RPL27A: variants seen among roughly 807,000 people sequenced by gnomAD.
RPL27A encodes large ribosomal subunit protein uL15.
For missense variants in RPL27A, 118 were observed against 189.4 expected, an observed-to-expected ratio of 0.62 and a Z score of 2.21; for synonymous variants, 69 against 68.3, an observed-to-expected ratio of 1.01 and a Z score of -0.05.
At chr11:8,685,570 A>C in intron 4 of RPL27A, 108 bp from the exon 5 acceptor site, 1 of 1,273,898 alleles carries the variant, frequency 7.8e-7, no homozygotes, top group Non-Finnish European at 1.1e-6. Context: ...AGAAACATAC[A>C]TACCCTGCCT....
In RPL27A at chr11:8,689,021, T is replaced by C. The variant is rs1401399573; in HGVS notation, c.*3215T>C. 4 of 152,240 alleles carry C rather than the reference T, an allele frequency of 2.6e-5. No homozygotes were observed. The highest frequency in any genetic ancestry group is 1.9e-4 in the East Asian group (1 of 5,196). The allele number at this position is 152,240 out of a possible 1,614,324, so 9.4% of individuals were successfully genotyped here. On this transcript the variant is annotated 3_prime_UTR_variant, in exon 5 of 5. Coordinates refer to ENST00000314138, the MANE Select transcript of RPL27A (RefSeq NM_000990.5). Reference sequence around the variant, plus strand: ...TTCCGGAGACGATGACTCCCCCGCGTCCCAGACCGGAAGAAGCCCGGCGGA... The same window carrying C: ...TTCCGGAGACGATGACTCCCCCGCGCCCCAGACCGGAAGAAGCCCGGCGGA...
In RPL27A at chr11:8,683,408, C is replaced by A. The variant is rs138159937; in HGVS notation, c.67+143C>A. On this transcript the variant is annotated intron_variant, in intron 2 of 4. Coordinates refer to ENST00000314138, the MANE Select transcript of RPL27A (RefSeq NM_000990.5). ...AGCTGTTGATTTTTTTCTGACGATC[C>A]TCTAGTATTCCAGTTCTAAGGAATT... 3 of 681,320 alleles carry A rather than the reference C, an allele frequency of 4.4e-6. No homozygotes were observed. In the East Asian group the frequency reaches 8.0e-5, roughly 18 times the overall value. The allele number at this position is 681,320 out of a possible 1,614,324, so 42.2% of individuals were successfully genotyped here.
intron 2 of RPL27A, chr11:8,683,606 A>G: frequency 2.0e-6 from 1 of 500,158 alleles, no homozygotes; most frequent in East Asian, 3.7e-5. Context: ...CGTAAGCGGG[A>G]CACAGAAGTC....
At position 8,685,695 on chromosome 11, in the gene RPL27A, G is replaced by C; in HGVS notation, c.336G>C (p.Leu112=). Reference sequence around the variant, plus strand: ...TCTTCTAGGGCTACTACAAAGTTCTGGGAAAGGGAAAGCTCCCAAAGCAGC... The same window carrying C: ...TCTTCTAGGGCTACTACAAAGTTCTCGGAAAGGGAAAGCTCCCAAAGCAGC... ...DVVRSGYYKV[L]GKGKLPKQPV... The change falls in exon 5 of 5, where the codon CTG becomes CTC. Residue 112 remains leucine, a synonymous_variant. Transcript: ENST00000314138. The C allele has an allele frequency of 6.2e-7, 1 of 1,614,128 alleles. No individual in the cohort carries two copies. Among genetic ancestry groups the C allele is most frequent in the South Asian group, 1.1e-5 (1 of 91,076 alleles).
Position 8,685,905 on chromosome 11 carries a change from AGCCC to A in RPL27A, c.*100_*103del. The A allele has an allele frequency of 1.6e-6, 2 of 1,217,068 alleles. No individual in the cohort carries two copies. The highest frequency in any genetic ancestry group is 2.3e-6 in the Non-Finnish European group (2 of 857,622). The allele number at this position is 1,217,068 out of a possible 1,614,324, so 75.4% of individuals were successfully genotyped here. A position where few individuals can be genotyped will look rare whatever the true frequency, so the allele number is the denominator to read the frequency against. ...ACCTCTACATCCTGTGTGCATTGGG[AGCCC>A]AGGTTCTAGTACTTAGGGTATGAAG... On this transcript the variant is annotated 3_prime_UTR_variant, in exon 5 of 5. Transcript: ENST00000314138.
In RPL27A at chr11:8,685,628, A is replaced by T. The variant is rs779089172; in HGVS notation, c.319-50A>T. The stretch of plus-strand genomic sequence containing the variant: ...CAGTCTTTCCTCACGCCCATCACGC[A>T]GTTGGTACCTACTACAGTGTATTGT... On this transcript the variant is annotated intron_variant, in intron 4 of 4. Coordinates refer to ENST00000314138, the MANE Select transcript of RPL27A (RefSeq NM_000990.5). 7.5e-6 allele frequency: 12 copies of T among 1,606,370 alleles called. No homozygotes were observed. The East Asian group carries it at 2.7e-4, about 36-fold the overall frequency.
chr11:8,685,300 A>G (rs2039575892), intron 4 of RPL27A: 1 of 480,382 alleles, frequency 2.1e-6, no homozygotes, highest in Admixed American at 2.4e-5. Context: ...AGGTAGTGTT[A>G]AGAGGCCAGA....
Position 8,685,660 on chromosome 11 carries a change from T to G in RPL27A, c.319-18T>G, listed in dbSNP as rs199725099. The G allele has an allele frequency of 3.8e-4, 608 of 1,614,004 alleles. 1 individual carries two copies. Among genetic ancestry groups the G allele is most frequent in the Non-Finnish European group, 5.1e-4 (598 of 1,179,876 alleles). The stretch of plus-strand genomic sequence containing the variant: ...ACCTACTACAGTGTATTGTAAACTT[T>G]TTTCTCTGTTCTTCTAGGGCTACTA... On this transcript the variant is annotated intron_variant, in intron 4 of 4. Coordinates refer to ENST00000314138, the MANE Select transcript of RPL27A (RefSeq NM_000990.5).
chr11:8,684,567 C>T, intron 3 of RPL27A, 151 bp from the exon 4 acceptor site: 1 of 714,944 alleles, frequency 1.4e-6, no homozygotes, highest in East Asian at 2.5e-5. Flanking sequence ...GTTTTTAAAA[C>T]AGTTGTTTAA....
Position 8,689,514 on chromosome 11 carries a change from GAAAA to G in RPL27A, c.*3718_*3721del, listed in dbSNP as rs774438707. 1 of 134,776 alleles carries G rather than the reference GAAAA, an allele frequency of 7.4e-6. No homozygotes were observed. Among genetic ancestry groups the G allele is most frequent in the African/African-American group, 2.7e-5 (1 of 36,498 alleles). The allele number at this position is 134,776 out of a possible 1,614,324, so 8.3% of individuals were successfully genotyped here. On this transcript the variant is annotated 3_prime_UTR_variant, in exon 5 of 5. Transcript: ENST00000314138. The stretch of plus-strand genomic sequence containing the variant: ...TATAAATGGAGCGAAAGTATCTTGA[GAAAA>G]AAAAAAAAACTACCAGAACTTGCCG...
chr11:8,688,522 C>T lies in RPL27A; in HGVS notation c.*2716C>T, dbSNP rs2133621429. ...CGCATTTACTAAAATATTTTCATGA[C>T]TGCCAAGCTTTGAATAGCCTGCTGT... On this transcript the variant is annotated 3_prime_UTR_variant, in exon 5 of 5. Coordinates refer to ENST00000314138, the MANE Select transcript of RPL27A (RefSeq NM_000990.5). 1 of 152,316 alleles carries T rather than the reference C, an allele frequency of 6.6e-6. No homozygotes were observed. The highest frequency in any genetic ancestry group is 2.4e-5 in the African/African-American group (1 of 41,560). 9.4% of individuals were successfully genotyped at this position (152,316 alleles called of 1,614,324 possible).
intron 1 of RPL27A, 163 bp downstream of exon 1, chr11:8,682,979 C>T (rs756295878): frequency 8.8e-6 from 9 of 1,021,852 alleles, no homozygotes; most frequent in Non-Finnish European, 2.9e-6. Context: ...GCGGGGCTCC[C>T]GGAGCCGTGT....
chr11:8,682,954 C>A, intron 1 of RPL27A, 138 bp downstream of exon 1: 1 of 1,227,888 alleles, frequency 8.1e-7, no homozygotes, highest in Non-Finnish European at 1.1e-6. Flanking sequence ...GCAGGGTGGC[C>A]GGCGCGGGCC....
At chr11:8,684,923 C>T (rs752365427) in intron 4 of RPL27A, 31 bp downstream of exon 4, 3 of 1,604,984 alleles carry the variant, frequency 1.9e-6, no homozygotes, top group Admixed American at 1.7e-5. Flanking sequence ...TCTGTACTTC[C>T]ATACCTTCCC....
rs1236049447 is a variant in RPL27A at position 8,685,568 on chromosome 11, A to G, written c.319-110A>G. The G allele has an allele frequency of 9.6e-6, 12 of 1,252,144 alleles. 1 individual carries two copies. In the Middle Eastern group the frequency reaches 5.6e-4, roughly 58 times the overall value. 77.6% of individuals were successfully genotyped at this position (1,252,144 alleles called of 1,614,324 possible). A position where few individuals can be genotyped will look rare whatever the true frequency, so the allele number is the denominator to read the frequency against. On this transcript the variant is annotated intron_variant, in intron 4 of 4. Coordinates refer to ENST00000314138, the MANE Select transcript of RPL27A (RefSeq NM_000990.5). ...CCGTTAGTGCCCAGATCAGAAACAT[A>G]CATACCCTGCCTAGGGATTTAGAAA...
chr11:8,683,323 T>C (rs959755203), intron 2 of RPL27A, 58 bp downstream of exon 2: 1 of 1,461,128 alleles, frequency 6.8e-7, no homozygotes, highest in East Asian at 2.3e-5. Flanking sequence ...GCTTAGCTAG[T>C]CTGGAGATCG....
chr11:8,689,188 TG>T lies in RPL27A; in HGVS notation c.*3384del, dbSNP rs1297036917. The T allele has an allele frequency of 6.6e-6, 1 of 152,254 alleles. No individual in the cohort carries two copies. Among genetic ancestry groups the T allele is most frequent in the Non-Finnish European group, 1.5e-5 (1 of 68,056 alleles). The allele number at this position is 152,254 out of a possible 1,614,324, so 9.4% of individuals were successfully genotyped here. ...GTGGGTCCCCTTCGAAGCGGAGGAATGGCCAACCTCGCCGCACTTCGAGCCC... is the reference window on the plus strand; with the variant it reads ...GTGGGTCCCCTTCGAAGCGGAGGAATGCCAACCTCGCCGCACTTCGAGCCC... On this transcript the variant is annotated 3_prime_UTR_variant, in exon 5 of 5. Transcript: ENST00000314138.
chr11:8,684,011 C>G lies in RPL27A; in HGVS notation c.73C>G (p.His25Asp). 1 of 1,611,828 alleles carries G rather than the reference C, an allele frequency of 6.2e-7. No individual in the cohort carries two copies. Among genetic ancestry groups the G allele is most frequent in the Non-Finnish European group, 8.5e-7 (1 of 1,179,870 alleles). Residue 25 changes from histidine to aspartate, a missense_variant, in exon 3 of 5, where the codon CAC becomes GAC. Physicochemically the swap from His to Asp is moderately conservative, Grantham distance 81. Transcript: ENST00000314138. ...GTAGCTTTGTATTCCTGCAGGCAAG[C>G]ACCGGAAGCACCCCGGCGGCCGCGG... ...VSHGHGRIGK[H>D]RKHPGGRGNA...
At position 8,687,147 on chromosome 11, in the gene RPL27A, A is replaced by G. The variant is rs955286601; in HGVS notation, c.*1341A>G. 6 of 152,252 alleles carry G rather than the reference A, an allele frequency of 3.9e-5. No homozygotes were observed. The highest frequency in any genetic ancestry group is 1.4e-4 in the African/African-American group (6 of 41,456). 9.4% of individuals were successfully genotyped at this position (152,252 alleles called of 1,614,324 possible). A position where few individuals can be genotyped will look rare whatever the true frequency, so the allele number is the denominator to read the frequency against. On this transcript the variant is annotated 3_prime_UTR_variant, in exon 5 of 5. Transcript: ENST00000314138. ...CTGGACAATTTTAAACAAATGTATC[A>G]TTTGGCTTGTATCTTCTGTTGTGCT...
Sources: allele counts gnomAD v4.1 joint callset, GRCh38; gene constraint gnomAD v4.1.1; transcripts MANE v1.5; gene names NCBI Gene and HGNC (gene_info 2026-07-23, HGNC 2026-07-21).